The following HHLA2 variants were observed in gnomAD, a reference collection of about 807,000 sequenced individuals.
The protein encoded by HHLA2 is HHLA2 member of B7 family.
In HHLA2, 48 loss-of-function variants were observed where a neutral mutation model predicts 45.9. The ratio of observed to expected loss-of-function variants is 1.05; its 90% confidence interval spans 0.83 to 1.33. The LOEUF is 1.33. Ranked by LOEUF, HHLA2 falls within the 40% of genes most tolerant of loss-of-function variation. The pLI, the probability that HHLA2 is intolerant of heterozygous loss-of-function variation, is 0.00. For missense variants in HHLA2, 462 were observed against 494.3 expected, an observed-to-expected ratio of 0.93 and a Z score of 0.62; for synonymous variants, 161 against 173.9, an observed-to-expected ratio of 0.93 and a Z score of 0.59.
intron 6 of HHLA2, among the ~76,000 whole-genome samples, chr3:108,357,412 A>G (rs897800160): frequency 6.6e-6 from 1 of 152,168 alleles, no homozygotes; most frequent in African/African-American, 2.4e-5. Context: ...AGAGATTAAG[A>G]AGTAGTGAGG....
chr3:108,369,345 G>A (rs2082124390), intron 8 of HHLA2, among the ~76,000 whole-genome samples: 1 of 152,090 alleles, frequency 6.6e-6, no homozygotes, highest in African/African-American at 2.4e-5. Context: ...AGCCAAGATG[G>A]CCGAATAGGA....
intron 3 of HHLA2, among the ~76,000 whole-genome samples, chr3:108,348,269 G>C (rs1004678000): frequency 6.6e-6 from 1 of 152,026 alleles, no homozygotes; most frequent in Admixed American, 6.6e-5. Flanking sequence ...ACCAAGAGAA[G>C]ACTCTTAACA....
intron 7 of HHLA2, among the ~76,000 whole-genome samples, chr3:108,359,330 AT>A (rs1006524473): frequency 6.6e-6 from 1 of 152,118 alleles, no homozygotes; most frequent in Admixed American, 6.5e-5. Flanking sequence ...TCATTCTCAA[AT>A]AAATGTTGGC....
At chr3:108,305,384 G>C (rs1268045479) in intron 1 of HHLA2, among the ~76,000 whole-genome samples, 1 of 152,162 alleles carries the variant, frequency 6.6e-6, no homozygotes, top group African/African-American at 2.4e-5. Flanking sequence ...TCATCAGTGT[G>C]AAGGACTTTT....
intron 2 of HHLA2, among the ~76,000 whole-genome samples, chr3:108,320,038 A>G (rs950158123): frequency 3.9e-5 from 6 of 152,228 alleles, no homozygotes; most frequent in Non-Finnish European, 8.8e-5. Context: ...TTGCATGAAT[A>G]TCCCACTTAT....
intron 7 of HHLA2, 76 bp from the exon 7 acceptor site, chr3:108,362,266 C>T: frequency 9.7e-7 from 1 of 1,033,214 alleles, no homozygotes. Flanking sequence ...ATACTCCACC[C>T]TTACCCACCC....
intron 1 of HHLA2, among the ~76,000 whole-genome samples, chr3:108,304,389 C>T (rs2080895025): frequency 6.6e-6 from 1 of 152,148 alleles, no homozygotes; most frequent in Non-Finnish European, 1.5e-5. Flanking sequence ...GAGAATCCTT[C>T]CTTGTTCTGC....
intron 1 of HHLA2, among the ~76,000 whole-genome samples, chr3:108,308,995 C>T (rs954384006): frequency 7.9e-5 from 12 of 152,214 alleles, no homozygotes; most frequent in Admixed American, 2.0e-4. Flanking sequence ...CTTTGCTATG[C>T]GGAAGCTTTT....
intron 2 of HHLA2, among the ~76,000 whole-genome samples, chr3:108,317,613 T>C (rs769950026): frequency 1.5e-3 from 220 of 151,212 alleles, no homozygotes; most frequent in Non-Finnish European, 2.8e-3. Context: ...CTCACTCTGT[T>C]GCCCAGGCTG....
At chr3:108,337,799 G>C (rs935712128) in intron 3 of HHLA2, among the ~76,000 whole-genome samples, 5 of 152,006 alleles carry the variant, frequency 3.3e-5, no homozygotes, top group Non-Finnish European at 7.4e-5. Flanking sequence ...TGCTCTTTTT[G>C]GTGCTTGGTC....
exon 3 of HHLA2, chr3:108,328,282 T>C: frequency 6.6e-7 from 1 of 1,508,364 alleles, no homozygotes; most frequent in Non-Finnish European, 8.8e-7. Context: ...TGTAGGAGAA[T>C]ACTAACCCTG....
intron 1 of HHLA2, among the ~76,000 whole-genome samples, chr3:108,308,824 C>T (rs902665531): frequency 1.3e-5 from 2 of 152,090 alleles, no homozygotes; most frequent in Non-Finnish European, 2.9e-5. Flanking sequence ...TATGTCTATT[C>T]AAATCTTTTG....
chr3:108,329,205 A>G (rs959977298), intron 3 of HHLA2, among the ~76,000 whole-genome samples: 10 of 152,214 alleles, frequency 6.6e-5, no homozygotes, highest in Non-Finnish European at 1.5e-4. Context: ...GAGCTTTCTT[A>G]GAAGTACAAG....
chr3:108,375,795 A>AG lies in HHLA2; in HGVS notation c.1154_1155insG (p.Gln386ThrfsTer10). 1 of 1,610,720 alleles carries AG rather than the reference A, an allele frequency of 6.2e-7. No homozygotes were observed. The highest frequency in any genetic ancestry group is 2.2e-5 in the East Asian group (1 of 44,778). On this transcript the variant is annotated frameshift_variant, in exon 9 of 11. Coordinates refer to ENST00000619531, the Ensembl canonical transcript of HHLA2. LOFTEE classifies it high-confidence loss of function. ...AGCAGACACCCTGCTGATGGAGCCC[A>AG]ACAAGGTCAGCCTCCCATGTCTGAG...
intron 2 of HHLA2, among the ~76,000 whole-genome samples, chr3:108,312,408 C>G (rs1053257221): frequency 6.6e-6 from 1 of 152,234 alleles, no homozygotes; most frequent in African/African-American, 2.4e-5. Flanking sequence ...AAAGTATGAA[C>G]AGTAGGGCCT....
intron 3 of HHLA2, among the ~76,000 whole-genome samples, chr3:108,347,406 G>A (rs2081684263): frequency 6.6e-6 from 1 of 152,156 alleles, no homozygotes; most frequent in Non-Finnish European, 1.5e-5. Flanking sequence ...TGGAGCACTT[G>A]TGTTCACAAG....
At chr3:108,339,251 G>C (rs1186299499) in intron 3 of HHLA2, among the ~76,000 whole-genome samples, 7 of 152,134 alleles carry the variant, frequency 4.6e-5, no homozygotes, top group Admixed American at 1.3e-4. Flanking sequence ...AAAAGGTCAA[G>C]ATTCACAAAA....
intron 1 of HHLA2, among the ~76,000 whole-genome samples, chr3:108,298,562 C>T (rs72622303): frequency 0.097 from 14,828 of 152,208 alleles, 1,462 homozygotes; most frequent in East Asian, 0.52. Context: ...AGGCTTCACC[C>T]TTAGAAGCTT....
intron 3 of HHLA2, among the ~76,000 whole-genome samples, chr3:108,350,358 A>G (rs1307096987): frequency 6.6e-6 from 1 of 152,154 alleles, no homozygotes; most frequent in Non-Finnish European, 1.5e-5. Context: ...GAAAATGTAC[A>G]GTTTTGTTAA....
Sources: gnomAD v4.1 joint callset for allele counts (sites outside exome capture counted in the v4.1 genomes callset) on GRCh38, gnomAD v4.1.1 for gene constraint, MANE v1.5 for transcripts, NCBI Gene and HGNC (gene_info 2026-07-23, HGNC 2026-07-21) for gene names.